CNTN4: variants seen among roughly 807,000 people sequenced by gnomAD.
CNTN4 encodes contactin-4.
A neutral mutation model predicts 122.5 loss-of-function variants in CNTN4; 77 were observed. That is an observed-to-expected ratio of 0.63 (90% confidence interval 0.52 to 0.76). The LOEUF is 0.76. Ranked by LOEUF, CNTN4 falls within the 30% of genes least tolerant of loss-of-function variation. CNTN4 has a pLI of 0.00. For synonymous variants in CNTN4, 512 were observed against 447.0 expected (o/e 1.15, Z -1.83); for missense variants, 1,256 against 1,259.1 (o/e 1.00, Z 0.04).
intron 4 of CNTN4, among the ~76,000 whole-genome samples, chr3:2,607,437 A>C (rs923073487): frequency 3.3e-5 from 5 of 152,200 alleles, no homozygotes; most frequent in Non-Finnish European, 5.9e-5. Flanking sequence ...TATTCATATA[A>C]TGGAATATTG....
intron 3 of CNTN4, among the ~76,000 whole-genome samples, chr3:2,559,907 G>T (rs570533184): frequency 3.9e-5 from 6 of 152,128 alleles, no homozygotes; most frequent in Non-Finnish European, 8.8e-5. Flanking sequence ...GAACTTTACC[G>T]TGATACCCAG....
At chr3:2,344,102 G>A (rs982537958) in intron 3 of CNTN4, among the ~76,000 whole-genome samples, 3 of 151,936 alleles carry the variant, frequency 2.0e-5, no homozygotes, top group Admixed American at 6.6e-5. Flanking sequence ...CAAACACCTC[G>A]CACTAGGCCC....
intron 3 of CNTN4, among the ~76,000 whole-genome samples, chr3:2,476,556 A>G (rs113283932): frequency 1.3e-5 from 2 of 152,322 alleles, no homozygotes; most frequent in African/African-American, 4.8e-5. Flanking sequence ...TGCTAAGTCA[A>G]TGAAACCAGA....
At chr3:2,286,052 A>G (rs1484358057) in intron 2 of CNTN4, among the ~76,000 whole-genome samples, 4 of 152,116 alleles carry the variant, frequency 2.6e-5, no homozygotes, top group Non-Finnish European at 4.4e-5. Context: ...TTATACATCT[A>G]TCATCCTCAG....
chr3:2,694,782 A>G lies in CNTN4; in HGVS notation c.56-41433A>G, dbSNP rs187005087. ...CAACATTAAATAAACCTACAATGCTATTCTAATATCTGAGCTGTAGCATTA... is the reference window on the plus strand; with the variant it reads ...CAACATTAAATAAACCTACAATGCTGTTCTAATATCTGAGCTGTAGCATTA... On this transcript the variant is annotated intron_variant, in intron 4 of 24. Transcript: ENST00000418658. Among the ~76,000 whole-genome samples, 89 of 152,288 alleles carry G rather than the reference A, an allele frequency of 5.8e-4. 1 individual carries two copies. Among genetic ancestry groups the G allele is most frequent in the Admixed American group, 5.4e-3 (83 of 15,278 alleles).
rs551728733 is a variant in CNTN4, at chr3:2,916,445, A to T, written c.1208-9184A>T. On this transcript the variant is annotated intron_variant, in intron 12 of 24. Transcript: ENST00000418658. ...CCTTCAAGCATCTGTTTAACAAAGC[A>T]CATCTTGCACCGCCCTTAATCCATT... 2.0e-5 allele frequency among the ~76,000 whole-genome samples: 3 copies of T among 149,862 alleles called. 1 individual carries two copies. In the South Asian group the frequency reaches 6.5e-4, roughly 32 times the overall value.
At chr3:2,741,865 G>A (rs12631108) in intron 5 of CNTN4, among the ~76,000 whole-genome samples, 28,120 of 152,168 alleles carry the variant, frequency 0.18, 2,803 homozygotes, top group Admixed American at 0.29. Context: ...GTTATTTAAA[G>A]CAAGCAGTGA....
chr3:2,529,262 T>G (rs1325118080), intron 3 of CNTN4, among the ~76,000 whole-genome samples: 2 of 152,182 alleles, frequency 1.3e-5, no homozygotes, highest in African/African-American at 2.4e-5. Context: ...GAGTCATCCA[T>G]GTTGCCCCAC....
intron 4 of CNTN4, among the ~76,000 whole-genome samples, chr3:2,664,785 A>G (rs944376593): frequency 2.6e-5 from 4 of 152,200 alleles, no homozygotes; most frequent in Non-Finnish European, 5.9e-5. Context: ...TCAAAGCGTG[A>G]TGCTTAGTAT....
chr3:2,225,853 C>G (rs949224061), intron 2 of CNTN4, among the ~76,000 whole-genome samples: 1 of 152,154 alleles, frequency 6.6e-6, no homozygotes, highest in Non-Finnish European at 1.5e-5. Context: ...TCTTATGGGT[C>G]TCTCCTTTTA....
At chr3:2,652,820 T>C (rs543625831) in intron 4 of CNTN4, among the ~76,000 whole-genome samples, 20 of 152,286 alleles carry the variant, frequency 1.3e-4, no homozygotes, top group African/African-American at 2.6e-4. Context: ...CACTTATCAA[T>C]CACATTTAAG....
At chr3:2,538,232 G>T (rs775724524) in intron 3 of CNTN4, among the ~76,000 whole-genome samples, 26 of 152,056 alleles carry the variant, frequency 1.7e-4, no homozygotes, top group Non-Finnish European at 3.1e-4. Flanking sequence ...TTTTCCTAGT[G>T]CCTTCAGAGG....
intron 4 of CNTN4, among the ~76,000 whole-genome samples, chr3:2,713,459 G>T (rs2087278701): frequency 6.6e-6 from 1 of 152,202 alleles, no homozygotes; most frequent in South Asian, 2.1e-4. Flanking sequence ...TGATCTAAAG[G>T]AAATAAACGG....
chr3:2,300,968 C>T (rs1457261545), intron 2 of CNTN4, among the ~76,000 whole-genome samples: 2 of 152,114 alleles, frequency 1.3e-5, no homozygotes, highest in Non-Finnish European at 2.9e-5. Flanking sequence ...ACTTGATTTA[C>T]CTGCAGGAAG....
intron 3 of CNTN4, among the ~76,000 whole-genome samples, chr3:2,398,854 GT>G: frequency 6.6e-6 from 1 of 152,236 alleles, no homozygotes. Flanking sequence ...CCTGCCTTCA[GT>G]TTTACCAGAG....
At chr3:2,183,027 T>C (rs368242354) in intron 2 of CNTN4, among the ~76,000 whole-genome samples, 1 of 152,168 alleles carries the variant, frequency 6.6e-6, no homozygotes, top group East Asian at 1.9e-4. Context: ...CTAACTCATA[T>C]CTTCTCTGAA....
chr3:2,612,579 A>T (rs2081546047), intron 4 of CNTN4, among the ~76,000 whole-genome samples: 1 of 152,170 alleles, frequency 6.6e-6, no homozygotes, highest in African/African-American at 2.4e-5. Context: ...GGCCATTATT[A>T]TCCCTATGAG....
intron 3 of CNTN4, among the ~76,000 whole-genome samples, chr3:2,515,105 C>T (rs768323110): frequency 5.3e-5 from 8 of 152,058 alleles, no homozygotes; most frequent in African/African-American, 9.7e-5. Context: ...AACCTGTTTG[C>T]GGCTTTCTCT....
intron 3 of CNTN4, among the ~76,000 whole-genome samples, chr3:2,464,142 C>A (rs564118802): frequency 6.6e-6 from 1 of 152,236 alleles, no homozygotes; most frequent in Non-Finnish European, 1.5e-5. Context: ...CTTCATTTGT[C>A]CTCTGCTCTA....
Sources: gnomAD v4.1 joint callset for allele counts (sites outside exome capture counted in the v4.1 genomes callset) on GRCh38, gnomAD v4.1.1 for gene constraint, MANE v1.5 for transcripts, NCBI Gene and HGNC (gene_info 2026-07-23, HGNC 2026-07-21) for gene names.